Variants in ST8SIA6 observed in about 807,000 individuals in gnomAD.
ST8SIA6 encodes the protein alpha-2,8-sialyltransferase 8F.
ST8SIA6 carries 39 observed loss-of-function variants against 33.6 expected under a neutral mutation model. The observed-to-expected ratio is 1.16, with a 90% CI of 0.90 to 1.52. ST8SIA6 has a LOEUF of 1.52. ST8SIA6 is among the 40% of genes most tolerant of loss of function. The pLI is 0.00. For synonymous variants in ST8SIA6, 172 were observed against 167.2 expected, an observed-to-expected ratio of 1.03 and a Z score of -0.22; for missense variants, 441 against 443.8, an observed-to-expected ratio of 0.99 and a Z score of 0.06.
intron 2 of ST8SIA6, among the ~76,000 whole-genome samples, chr10:17,429,004 G>A (rs542049474): frequency 6.6e-6 from 1 of 152,056 alleles, no homozygotes; most frequent in African/African-American, 2.4e-5. Flanking sequence ...TTCCTGTTGT[G>A]TGTGGGGATT....
At chr10:17,326,082 A>G (rs898632913) in intron 6 of ST8SIA6, among the ~76,000 whole-genome samples, 3 of 152,206 alleles carry the variant, frequency 2.0e-5, no homozygotes, top group Admixed American at 2.0e-4. Context: ...TGAAGAACAC[A>G]TTCAATAATT....
intron 2 of ST8SIA6, among the ~76,000 whole-genome samples, chr10:17,423,334 T>C (rs776782700): frequency 2.0e-5 from 3 of 152,180 alleles, no homozygotes; most frequent in Non-Finnish European, 4.4e-5. Flanking sequence ...GTTGGTTTCC[T>C]TGTCATCTGT....
intron 1 of ST8SIA6, 22 bp from the exon 2 acceptor site, chr10:17,453,679 T>A: frequency 7.7e-7 from 1 of 1,291,992 alleles, no homozygotes; most frequent in Admixed American, 3.4e-5. Flanking sequence ...GGGAGAAAAC[T>A]TAAGTTGCTA....
At chr10:17,407,091 T>C (rs983687857) in intron 2 of ST8SIA6, among the ~76,000 whole-genome samples, 2 of 152,060 alleles carry the variant, frequency 1.3e-5, no homozygotes, top group African/African-American at 4.8e-5. Flanking sequence ...CACGTCCGGC[T>C]ACTGAGGGCT....
chr10:17,340,830 G>A (rs1848648518), intron 4 of ST8SIA6, among the ~76,000 whole-genome samples: 1 of 152,206 alleles, frequency 6.6e-6, no homozygotes, highest in Non-Finnish European at 1.5e-5. Context: ...AGAGCTTTCT[G>A]GGCTCAAGGG....
chr10:17,414,518 A>G (rs1851546745), intron 2 of ST8SIA6, among the ~76,000 whole-genome samples: 1 of 152,204 alleles, frequency 6.6e-6, no homozygotes, highest in Non-Finnish European at 1.5e-5. Flanking sequence ...TTGGGCTGCC[A>G]TAACAAAATA....
intron 4 of ST8SIA6, among the ~76,000 whole-genome samples, chr10:17,337,566 G>A (rs928721098): frequency 2.6e-5 from 4 of 152,196 alleles, no homozygotes; most frequent in South Asian, 2.1e-4. Flanking sequence ...GTGCGGTGGC[G>A]GAGTGATAAG....
At chr10:17,421,505 A>G (rs1307029897) in intron 2 of ST8SIA6, among the ~76,000 whole-genome samples, 1 of 152,234 alleles carries the variant, frequency 6.6e-6, no homozygotes, top group Non-Finnish European at 1.5e-5. Context: ...CCAATTAACT[A>G]GCCCTGAATG....
intron 2 of ST8SIA6, chr10:17,408,090 A>C (rs544247615): frequency 1.1e-4 from 17 of 152,712 alleles, no homozygotes; most frequent in African/African-American, 3.6e-4. Context: ...TACAGAGAAG[A>C]GAGTAACCCC....
At chr10:17,422,339 C>A (rs563020357) in intron 2 of ST8SIA6, among the ~76,000 whole-genome samples, 1 of 152,154 alleles carries the variant, frequency 6.6e-6, no homozygotes, top group Non-Finnish European at 1.5e-5. Flanking sequence ...AGCACCTCCC[C>A]CCTCCCACAA....
At chr10:17,365,198 A>T (rs1849518015) in intron 3 of ST8SIA6, among the ~76,000 whole-genome samples, 1 of 152,206 alleles carries the variant, frequency 6.6e-6, no homozygotes, top group South Asian at 2.1e-4. Flanking sequence ...CACAAATTAT[A>T]AATAACCTAC....
intron 4 of ST8SIA6, among the ~76,000 whole-genome samples, chr10:17,331,897 G>C (rs756195159): frequency 6.6e-6 from 1 of 152,126 alleles, no homozygotes. Context: ...CCGTCATCTA[G>C]GTTTTAAGCC....
At chr10:17,409,629 C>T (rs1272757816) in intron 2 of ST8SIA6, 2 of 152,222 alleles carry the variant, frequency 1.3e-5, no homozygotes, top group South Asian at 2.1e-4. Flanking sequence ...TGTACCAGTG[C>T]ACTTTGGGAG....
At chr10:17,439,016 C>T (rs1852377242) in intron 2 of ST8SIA6, among the ~76,000 whole-genome samples, 1 of 152,216 alleles carries the variant, frequency 6.6e-6, no homozygotes, top group Non-Finnish European at 1.5e-5. Flanking sequence ...TGCTTCACAG[C>T]CTCCATAAGA....
At chr10:17,432,990 A>T (rs1852148626) in intron 2 of ST8SIA6, among the ~76,000 whole-genome samples, 1 of 152,090 alleles carries the variant, frequency 6.6e-6, no homozygotes, top group South Asian at 2.1e-4. Flanking sequence ...CTATAAATTC[A>T]CTCTGACAAT....
chr10:17,339,115 T>TC (rs11482256), intron 4 of ST8SIA6, among the ~76,000 whole-genome samples: 1 of 31,324 alleles, frequency 3.2e-5, no homozygotes, highest in Non-Finnish European at 5.7e-5. Flanking sequence ...TAAAAATTCC[T>TC]TTTTTTTTTC....
intron 2 of ST8SIA6, among the ~76,000 whole-genome samples, chr10:17,419,019 A>G (rs1347209817): frequency 6.6e-6 from 1 of 150,896 alleles, no homozygotes; most frequent in Admixed American, 6.6e-5. Context: ...AAAAAAAGAA[A>G]AATTTAGTCA....
At chr10:17,369,928 A>T (rs1468709579) in intron 3 of ST8SIA6, among the ~76,000 whole-genome samples, 2 of 151,792 alleles carry the variant, frequency 1.3e-5, no homozygotes, top group African/African-American at 2.4e-5. Flanking sequence ...TTTGAGTCTA[A>T]AGTGTGTCTT....
chr10:17,439,527 G>A (rs1321828605), intron 2 of ST8SIA6, among the ~76,000 whole-genome samples: 2 of 152,182 alleles, frequency 1.3e-5, no homozygotes, highest in Non-Finnish European at 1.5e-5. Flanking sequence ...TGATCCACCC[G>A]CCTCGGCCTC....
Sources: gnomAD v4.1 joint callset for allele counts (sites outside exome capture counted in the v4.1 genomes callset) on GRCh38, gnomAD v4.1.1 for gene constraint, MANE v1.5 for transcripts, NCBI Gene and HGNC (gene_info 2026-07-23, HGNC 2026-07-21) for gene names.